Variants in NTM observed in about 807,000 individuals in gnomAD.
NTM encodes the protein IgLON family member 2.
A neutral mutation model predicts 42.1 loss-of-function variants in NTM; 13 were observed. That is an observed-to-expected ratio of 0.31 (90% CI 0.20 to 0.49). The LOEUF is 0.49. Among genes scored for constraint, NTM ranks in the 20% least tolerant of loss-of-function variants. The pLI, the probability that NTM is intolerant of heterozygous loss-of-function variation, is 0.99. For missense variants in NTM, 373 were observed against 452.8 expected (o/e 0.82, Z 1.60); for synonymous variants, 187 against 179.2 (o/e 1.04, Z -0.35).
intron 1 of NTM, chr11:131,774,152 G>C (rs1458218681): frequency 1.0e-6 from 1 of 981,146 alleles, no homozygotes; most frequent in African/African-American, 1.7e-5. Context: ...ATGTCAGTGG[G>C]AAACCCATCA....
chr11:131,663,303 G>A (rs747544663), intron 1 of NTM: 2 of 152,334 alleles, frequency 1.3e-5, no homozygotes, highest in African/African-American at 2.4e-5. Flanking sequence ...GCCTGGCCCC[G>A]TCGCTGTGTT....
intron 1 of NTM, among the ~76,000 whole-genome samples, chr11:131,521,414 TTTTTTTTTG>T (rs2049689124): frequency 1.9e-5 from 1 of 53,024 alleles, no homozygotes; most frequent in Non-Finnish European, 3.4e-5. Context: ...TTTTTTTTTT[TTTTTTTTTG>T]AGACGGGAGT....
At chr11:131,745,209 G>C (rs1262229160) in intron 1 of NTM, among the ~76,000 whole-genome samples, 2 of 152,078 alleles carry the variant, frequency 1.3e-5, no homozygotes, top group Non-Finnish European at 2.9e-5. Context: ...GTATTTCCTC[G>C]AGCTTTCCCT....
chr11:132,238,713 G>T (rs1308053721), intron 4 of NTM, among the ~76,000 whole-genome samples: 3 of 152,158 alleles, frequency 2.0e-5, no homozygotes, highest in Non-Finnish European at 4.4e-5. Context: ...AGGAGCAGAT[G>T]AAAGAAGTTT....
chr11:131,885,761 G>T (rs1439899065), intron 1 of NTM, among the ~76,000 whole-genome samples: 2 of 152,298 alleles, frequency 1.3e-5, no homozygotes, highest in Admixed American at 1.3e-4. Context: ...GATACAAGAG[G>T]CTCCCTGATG....
At chr11:132,219,496 TC>T (rs1005377745) in intron 4 of NTM, among the ~76,000 whole-genome samples, 1 of 151,926 alleles carries the variant, frequency 6.6e-6, no homozygotes, top group Non-Finnish European at 1.5e-5. Flanking sequence ...ATTAAGTCTC[TC>T]TTAATTTAAT....
chr11:131,797,232 A>C (rs2091662763), intron 1 of NTM, among the ~76,000 whole-genome samples: 1 of 152,154 alleles, frequency 6.6e-6, no homozygotes. Flanking sequence ...GGGTGAGTAA[A>C]AGGACATCAA....
intron 1 of NTM, among the ~76,000 whole-genome samples, chr11:131,760,200 G>T (rs922239527): frequency 1.3e-5 from 2 of 152,206 alleles, no homozygotes; most frequent in South Asian, 2.1e-4. Context: ...GAGGGAGAAG[G>T]TTCTATGGGA....
At chr11:131,739,193 T>C (rs534170187) in intron 1 of NTM, among the ~76,000 whole-genome samples, 1 of 152,218 alleles carries the variant, frequency 6.6e-6, no homozygotes, top group African/African-American at 2.4e-5. Context: ...TTTTCTTTTT[T>C]TTTTTTTAAA....
chr11:131,885,966 A>G (rs1345266895), intron 1 of NTM, among the ~76,000 whole-genome samples: 2 of 152,188 alleles, frequency 1.3e-5, no homozygotes, highest in African/African-American at 4.8e-5. Flanking sequence ...TTTTCCACCC[A>G]GGGAGAAAGA....
chr11:131,475,512 G>C (rs1952839501), intron 1 of NTM, among the ~76,000 whole-genome samples: 1 of 151,994 alleles, frequency 6.6e-6, no homozygotes, highest in Admixed American at 6.6e-5. Context: ...GAGGAGGATT[G>C]AAATGCAGGG....
At chr11:132,136,721 AT>A (rs1024487854) in intron 2 of NTM, among the ~76,000 whole-genome samples, 3 of 151,706 alleles carry the variant, frequency 2.0e-5, no homozygotes, top group South Asian at 2.1e-4. Flanking sequence ...AAGCTGTGAT[AT>A]TTTTTTTTCC....
chr11:132,187,242 T>C (rs866767237), intron 3 of NTM, among the ~76,000 whole-genome samples: 4 of 116,740 alleles, frequency 3.4e-5, no homozygotes, highest in East Asian at 2.2e-4. Context: ...TGTGTGTGTG[T>C]GTGTGCGTGT....
chr11:132,189,664 A>G (rs746444204), intron 3 of NTM, among the ~76,000 whole-genome samples: 4 of 151,868 alleles, frequency 2.6e-5, no homozygotes, highest in Non-Finnish European at 5.9e-5. Context: ...ACACACACAC[A>G]CACAGACACA....
chr11:131,545,798 G>C (rs1330338280), intron 1 of NTM, among the ~76,000 whole-genome samples: 2 of 152,186 alleles, frequency 1.3e-5, no homozygotes, highest in Non-Finnish European at 2.9e-5. Flanking sequence ...TCAAGTAGAG[G>C]AGGGGCAGGG....
intron 1 of NTM, among the ~76,000 whole-genome samples, chr11:131,374,826 G>A (rs1259408347): frequency 6.6e-6 from 1 of 152,150 alleles, no homozygotes; most frequent in African/African-American, 2.4e-5. Context: ...TGATTCTGAC[G>A]TGTACAGAAA....
At chr11:132,045,987 A>G (rs187190627) in intron 2 of NTM, among the ~76,000 whole-genome samples, 15 of 152,332 alleles carry the variant, frequency 9.8e-5, no homozygotes, top group African/African-American at 2.6e-4. Flanking sequence ...AGTTGCTTAT[A>G]TAAAGACTCC....
chr11:131,612,939 C>A (rs546276699), intron 1 of NTM, among the ~76,000 whole-genome samples: 1 of 152,216 alleles, frequency 6.6e-6, no homozygotes, highest in Non-Finnish European at 1.5e-5. Context: ...AGTCACAGTG[C>A]AGCCTCCCCT....
At chr11:131,390,755 C>T (rs1040668204) in intron 1 of NTM, among the ~76,000 whole-genome samples, 1 of 152,144 alleles carries the variant, frequency 6.6e-6, no homozygotes, top group African/African-American at 2.4e-5. Context: ...GGTCCCCTGG[C>T]ACTTGTTAGC....
Sources: allele counts gnomAD v4.1 joint callset (sites outside exome capture counted in the v4.1 genomes callset), GRCh38; gene constraint gnomAD v4.1.1; transcripts MANE v1.5; gene names NCBI Gene and HGNC (gene_info 2026-07-23, HGNC 2026-07-21).